The following MYO16 variants were observed in gnomAD, a reference collection of about 807,000 sequenced individuals.
MYO16 encodes the protein myosin XVI, also known as unconventional myosin-XVI.
A neutral mutation model predicts 205.3 loss-of-function variants in MYO16; 94 were observed. That is an observed-to-expected ratio of 0.46 (90% CI 0.39 to 0.54). The LOEUF (loss-of-function observed/expected upper bound fraction) is 0.54, where lower values mean the gene tolerates loss of function less well. Ranked by LOEUF, MYO16 falls within the 20% of genes least tolerant of loss-of-function variation. The probability of loss-of-function intolerance (pLI) is 0.00; values close to 1 mark genes in which losing one functional copy is unlikely to be tolerated. For synonymous variants in MYO16, 988 were observed against 954.0 expected (o/e 1.04, Z -0.66); for missense variants, 2,315 against 2,387.5 (o/e 0.97, Z 0.63).
chr13:108,584,372 C>A, the MYO16 span, among the ~76,000 whole-genome samples: 3 of 151,984 alleles, frequency 2.0e-5, no homozygotes, highest in African/African-American at 7.3e-5. Context: ...AAAAATTGCA[C>A]ATATCTATGG....
intron 4 of MYO16, among the ~76,000 whole-genome samples, chr13:108,761,398 T>G (rs9514898): frequency 0.55 from 83,688 of 151,926 alleles, 23,278 homozygotes; most frequent in East Asian, 0.63. Context: ...ACAAAGATGG[T>G]GTGCCATAAA....
At chr13:108,925,712 C>T (rs776523173) in intron 16 of MYO16, among the ~76,000 whole-genome samples, 8 of 152,132 alleles carry the variant, frequency 5.3e-5, no homozygotes, top group South Asian at 2.1e-4. Context: ...GTAACAAACC[C>T]GTCTACGTCT....
At chr13:109,143,729 T>G (rs1877204471) in intron 32 of MYO16, among the ~76,000 whole-genome samples, 1 of 152,234 alleles carries the variant, frequency 6.6e-6, no homozygotes, top group African/African-American at 2.4e-5. Flanking sequence ...GTGGTGGTAT[T>G]AACCAGTATT....
chr13:108,852,945 C>T (rs1877960428), intron 10 of MYO16, among the ~76,000 whole-genome samples: 1 of 152,192 alleles, frequency 6.6e-6, no homozygotes. Context: ...GTTGTTCATA[C>T]AGCTGAATAC....
chr13:109,172,993 G>A (rs1878983126), intron 33 of MYO16, among the ~76,000 whole-genome samples: 1 of 152,210 alleles, frequency 6.6e-6, no homozygotes. Context: ...GGCAAAGACA[G>A]ACATTACAAT....
At chr13:108,636,832 G>A (rs1013438572) in intron 1 of MYO16, among the ~76,000 whole-genome samples, 3 of 152,140 alleles carry the variant, frequency 2.0e-5, no homozygotes, top group African/African-American at 7.2e-5. Context: ...TTCAAACTGA[G>A]ACTAATCTTT....
intron 27 of MYO16, among the ~76,000 whole-genome samples, chr13:109,066,022 C>T (rs1887737946): frequency 6.6e-6 from 1 of 152,154 alleles, no homozygotes; most frequent in Admixed American, 6.6e-5. Flanking sequence ...TGAAATCCCT[C>T]TCAGAAATAG....
chr13:109,108,263 A>G (rs1889180901), intron 28 of MYO16, among the ~76,000 whole-genome samples: 1 of 152,168 alleles, frequency 6.6e-6, no homozygotes, highest in Non-Finnish European at 1.5e-5. Flanking sequence ...TGTTTGTTGA[A>G]TGAATGAATG....
intron 20 of MYO16, among the ~76,000 whole-genome samples, chr13:108,985,005 A>G (rs1884578747): frequency 6.6e-6 from 1 of 152,220 alleles, no homozygotes; most frequent in African/African-American, 2.4e-5. Flanking sequence ...TTCCTTGAAA[A>G]GACAAATAAG....
At chr13:108,554,159 A>G in the MYO16 span, among the ~76,000 whole-genome samples, 4 of 152,142 alleles carry the variant, frequency 2.6e-5, no homozygotes, top group Non-Finnish European at 5.9e-5. Context: ...TAACTTGACG[A>G]CAAATTACAG....
intron 1 of MYO16, among the ~76,000 whole-genome samples, chr13:108,607,291 A>G (rs1566502284): frequency 6.6e-6 from 1 of 152,126 alleles, no homozygotes; most frequent in East Asian, 1.9e-4. Flanking sequence ...GAGTGGAATC[A>G]TATGGTCTGG....
At chr13:108,729,086 A>T (rs1884436875) in intron 4 of MYO16, among the ~76,000 whole-genome samples, 2 of 152,030 alleles carry the variant, frequency 1.3e-5, no homozygotes, top group African/African-American at 4.8e-5. Context: ...GGAAATAAAG[A>T]TTATTTAGCT....
At chr13:108,835,288 A>G (rs1232982942) in intron 9 of MYO16, among the ~76,000 whole-genome samples, 1 of 152,134 alleles carries the variant, frequency 6.6e-6, no homozygotes, top group Non-Finnish European at 1.5e-5. Context: ...TGGTTTTATA[A>G]GCATCTGGCA....
chr13:109,133,900 GT>G (rs1238904644), intron 31 of MYO16, among the ~76,000 whole-genome samples: 1 of 152,132 alleles, frequency 6.6e-6, no homozygotes, highest in Non-Finnish European at 1.5e-5. Flanking sequence ...TCTAATTTCA[GT>G]TTATAAAGAA....
At chr13:108,853,010 G>C (rs1877963929) in intron 10 of MYO16, among the ~76,000 whole-genome samples, 1 of 152,184 alleles carries the variant, frequency 6.6e-6, no homozygotes, top group South Asian at 2.1e-4. Flanking sequence ...ATTTGAAGTA[G>C]GGAAGCTCAA....
chr13:108,765,559 A>G (rs969700430), intron 4 of MYO16, among the ~76,000 whole-genome samples: 4 of 152,148 alleles, frequency 2.6e-5, no homozygotes, highest in African/African-American at 9.7e-5. Context: ...ACACTAAATA[A>G]TTATGCTTCT....
At chr13:109,108,153 C>T (rs157012) in intron 28 of MYO16, among the ~76,000 whole-genome samples, 1,819 of 152,248 alleles carry the variant, frequency 0.012, 41 homozygotes, top group African/African-American at 0.041. Context: ...GGACAGGTGT[C>T]ATGTCGCCGT....
At chr13:108,908,700 G>A (rs865899229) in intron 15 of MYO16, among the ~76,000 whole-genome samples, 3 of 152,070 alleles carry the variant, frequency 2.0e-5, no homozygotes, top group African/African-American at 4.8e-5. Flanking sequence ...CAGGTCTGGC[G>A]TGATGGCTCA....
At chr13:108,942,867 G>A (rs1882786241) in intron 16 of MYO16, among the ~76,000 whole-genome samples, 1 of 152,142 alleles carries the variant, frequency 6.6e-6, no homozygotes, top group Non-Finnish European at 1.5e-5. Flanking sequence ...TCTTTATAAA[G>A]CTAATCTGCT....
Sources: gnomAD v4.1 joint callset for allele counts (sites outside exome capture counted in the v4.1 genomes callset) on GRCh38, gnomAD v4.1.1 for gene constraint, MANE v1.5 for transcripts, NCBI Gene and HGNC (gene_info 2026-07-23, HGNC 2026-07-21) for gene names.